The following COL15A1 variants were observed in gnomAD, a reference collection of about 807,000 sequenced individuals.
COL15A1 encodes collagen type XV alpha 1 chain.
In COL15A1, 111 loss-of-function variants were observed where a neutral mutation model predicts 165.9. The ratio of observed to expected loss-of-function variants is 0.67; its 90% CI spans 0.57 to 0.78. COL15A1 has a LOEUF of 0.78. COL15A1 is among the 30% of genes least tolerant of loss of function. COL15A1 has a pLI of 0.00. For synonymous variants in COL15A1, 659 were observed against 674.8 expected (o/e 0.98, Z 0.36); for missense variants, 1,745 against 1,789.7 (o/e 0.98, Z 0.45).
At chr9:98,973,680 A>G (rs577648810) in intron 2 of COL15A1, among the ~76,000 whole-genome samples, 1 of 152,306 alleles carries the variant, frequency 6.6e-6, no homozygotes, top group African/African-American at 2.4e-5. Flanking sequence ...CATTTTCCTG[A>G]GCACAGTGCT....
intron 5 of COL15A1, among the ~76,000 whole-genome samples, chr9:98,992,308 G>A (rs534513824): frequency 6.6e-6 from 1 of 152,380 alleles, no homozygotes; most frequent in African/African-American, 2.4e-5. Flanking sequence ...GGTCGGCAGT[G>A]CTGGGGGACC....
intron 24 of COL15A1, among the ~76,000 whole-genome samples, chr9:99,043,196 G>A (rs1351465265): frequency 6.6e-6 from 1 of 151,908 alleles, no homozygotes; most frequent in Non-Finnish European, 1.5e-5. Context: ...GGAGGAGAGG[G>A]CCTCCAATAT....
chr9:99,023,056 G>A (rs755996744), intron 13 of COL15A1, among the ~76,000 whole-genome samples: 1 of 152,156 alleles, frequency 6.6e-6, no homozygotes, highest in Admixed American at 6.5e-5. Context: ...GCCTGGAAAC[G>A]GGGTAGGGAG....
chr9:98,976,143 C>T (rs529537574), intron 2 of COL15A1, among the ~76,000 whole-genome samples: 1 of 152,080 alleles, frequency 6.6e-6, no homozygotes, highest in South Asian at 2.1e-4. Context: ...TCCATGTCTC[C>T]AGCACTACAC....
chr9:98,944,870 C>G (rs754432938), intron 2 of COL15A1, among the ~76,000 whole-genome samples: 2 of 152,172 alleles, frequency 1.3e-5, no homozygotes, highest in African/African-American at 4.8e-5. Flanking sequence ...AGAACTCAGG[C>G]GGTTGGCTGA....
At chr9:99,002,782 A>G (rs1838683767) in intron 7 of COL15A1, among the ~76,000 whole-genome samples, 1 of 152,264 alleles carries the variant, frequency 6.6e-6, no homozygotes, top group Admixed American at 6.5e-5. Flanking sequence ...CTCTTTTTAT[A>G]GATTCTGAGA....
intron 19 of COL15A1, among the ~76,000 whole-genome samples, 158 bp from the exon 20 acceptor site, chr9:99,036,010 CTT>C (rs1313405165): frequency 6.6e-6 from 1 of 152,160 alleles, no homozygotes; most frequent in African/African-American, 2.4e-5. Context: ...TGGAGTGTTG[CTT>C]CCTTCTGACT....
chr9:98,980,369 G>A (rs1838216659), intron 2 of COL15A1, among the ~76,000 whole-genome samples: 1 of 152,254 alleles, frequency 6.6e-6, no homozygotes, highest in Non-Finnish European at 1.5e-5. Flanking sequence ...GGGAGGGTGT[G>A]GGTGCGGGAG....
At chr9:98,985,479 G>A (rs768820578) in intron 2 of COL15A1, 86 bp from the exon 3 acceptor site, 157 of 1,313,116 alleles carry the variant, frequency 1.2e-4, no homozygotes, top group Admixed American at 3.5e-4. Context: ...GAGTGATCCC[G>A]TTTCATTTGT....
chr9:99,005,228 G>C (rs558628810), intron 9 of COL15A1, among the ~76,000 whole-genome samples, 178 bp downstream of exon 9: 1 of 152,262 alleles, frequency 6.6e-6, no homozygotes, highest in Non-Finnish European at 1.5e-5. Flanking sequence ...TGAAGCCCCT[G>C]GAGGTCAGTG....
At chr9:98,998,513 G>A (rs1473243480) in intron 6 of COL15A1, among the ~76,000 whole-genome samples, 1 of 152,206 alleles carries the variant, frequency 6.6e-6, no homozygotes, top group Non-Finnish European at 1.5e-5. Context: ...CCTATTTGCT[G>A]TCGGCCTGGG....
rs548257275 is a variant in COL15A1, at chr9:98,968,921, C to T, written c.101-16644C>T. Among the ~76,000 whole-genome samples the T allele has an allele frequency of 9.8e-5, 15 of 152,308 alleles. No homozygotes were observed. In the South Asian group the frequency reaches 1.5e-3, roughly 15 times the overall value. On this transcript the variant is annotated intron_variant, in intron 2 of 41. Transcript: ENST00000375001. ...AGAGAATTCTGCCTATTAAGCTATACTGGCTATGTTATAGCATTTCAGCAT... is the reference window on the plus strand; with the variant it reads ...AGAGAATTCTGCCTATTAAGCTATATTGGCTATGTTATAGCATTTCAGCAT...
intron 2 of COL15A1, among the ~76,000 whole-genome samples, chr9:98,967,133 T>C (rs576022799): frequency 1.3e-5 from 2 of 152,224 alleles, no homozygotes; most frequent in African/African-American, 4.8e-5. Context: ...ACCTACCTCC[T>C]GAAGGGCTCA....
rs75826935 is a variant in COL15A1, at chr9:98,993,131, C to G, written c.805-3803C>G. Reference sequence around the variant, plus strand: ...AGCAAGTGACTTAAGCTCTCCAAGGCTCAGTTTCCTCCTTGGTTACAATAG... The same window carrying G: ...AGCAAGTGACTTAAGCTCTCCAAGGGTCAGTTTCCTCCTTGGTTACAATAG... On this transcript the variant is annotated intron_variant, in intron 5 of 41. Coordinates refer to ENST00000375001, the MANE Select transcript of COL15A1 (RefSeq NM_001855.5). Among the ~76,000 whole-genome samples the G allele has an allele frequency of 7.2e-5, 11 of 152,324 alleles. No homozygotes were observed. In the East Asian group the frequency reaches 2.1e-3, roughly 29 times the overall value.
chr9:99,016,267 A>C lies in COL15A1; in HGVS notation c.1647+148A>C, dbSNP rs1382011645. 69 of 947,806 alleles carry C rather than the reference A, an allele frequency of 7.3e-5. 1 individual carries two copies. In the South Asian group the frequency reaches 1.1e-3, roughly 15 times the overall value. 58.7% of individuals were successfully genotyped at this position (947,806 alleles called of 1,614,324 possible). ...CAAATTTGGGCATTTGAGGAGCTTT[A>C]ACCTGAGGAAAGCTTGAGGAAACTC... On this transcript the variant is annotated intron_variant, in intron 11 of 41. Coordinates refer to ENST00000375001, the MANE Select transcript of COL15A1 (RefSeq NM_001855.5).
At chr9:98,957,408 A>C (rs1279556123) in intron 2 of COL15A1, among the ~76,000 whole-genome samples, 1 of 152,234 alleles carries the variant, frequency 6.6e-6, no homozygotes, top group African/African-American at 2.4e-5. Flanking sequence ...TCTAACCTCC[A>C]GAACTGTAAG....
Position 99,052,445 on chromosome 9 carries a change from C to T in COL15A1, c.2950+12C>T, listed in dbSNP as rs981201533. ...CATCACTTTTCACGGTATACACTCC[C>T]TTCTTCATCATTTGTTTCTCTGGGA... is the stretch of plus-strand genomic sequence containing the variant. On this transcript the variant is annotated intron_variant, in intron 31 of 41. Transcript: ENST00000375001. 2.5e-6 allele frequency: 4 copies of T among 1,589,950 alleles called. No individual in the cohort carries two copies. Among genetic ancestry groups the T allele is most frequent in the Middle Eastern group, 3.3e-4 (2 of 6,016 alleles).
intron 10 of COL15A1, 72 bp downstream of exon 10, chr9:99,015,638 C>A: frequency 6.8e-7 from 1 of 1,466,024 alleles, no homozygotes; most frequent in Non-Finnish European, 9.4e-7. Flanking sequence ...AACAGTCATC[C>A]TTGGCCTTGG....
intron 2 of COL15A1, among the ~76,000 whole-genome samples, chr9:98,964,150 G>A (rs1338571833): frequency 1.3e-5 from 2 of 152,236 alleles, no homozygotes; most frequent in African/African-American, 2.4e-5. Flanking sequence ...CCTTTGCCCT[G>A]CACCATTCTG....
Sources: gnomAD v4.1 joint callset for allele counts (sites outside exome capture counted in the v4.1 genomes callset) on GRCh38, gnomAD v4.1.1 for gene constraint, MANE v1.5 for transcripts, NCBI Gene and HGNC (gene_info 2026-07-23, HGNC 2026-07-21) for gene names.